STK32C: variants seen among roughly 807,000 people sequenced by gnomAD.
The protein encoded by STK32C is serine/threonine-protein kinase 32C.
STK32C carries 31 observed loss-of-function variants against 56.5 expected under a neutral mutation model. That is an observed-to-expected ratio of 0.55 (90% CI 0.41 to 0.74). STK32C has a LOEUF of 0.74. STK32C is among the 30% of genes least tolerant of loss of function. The probability of loss-of-function intolerance (pLI) is 0.00; values close to 1 mark genes in which losing one functional copy is unlikely to be tolerated. For missense variants in STK32C, 544 were observed against 676.9 expected (o/e 0.80, Z 2.18); for synonymous variants, 309 against 289.4 (o/e 1.07, Z -0.69).
At chr10:132,308,436 C>G (rs539454330), upstream of STK32C, among the ~76,000 whole-genome samples, 6 of 152,280 alleles carry the variant, frequency 3.9e-5, no homozygotes, top group East Asian at 1.2e-3. Context: ...GCGGGGAGCC[C>G]TAAACTCCAG....
chr10:132,324,405 T>G (rs771938817), intron 1 of STK32C: 2 of 763,546 alleles, frequency 2.6e-6, no homozygotes, highest in South Asian at 2.8e-5. Flanking sequence ...ATCTTCACTT[T>G]GCAGTCTGAA....
chr10:132,237,255 T>A (rs2063327602), intron 2 of STK32C, among the ~76,000 whole-genome samples: 1 of 152,132 alleles, frequency 6.6e-6, no homozygotes, highest in Non-Finnish European at 1.5e-5. Context: ...CCACTGGCGT[T>A]TGCTCCTCCC....
intron 10 of STK32C, among the ~76,000 whole-genome samples, chr10:132,212,168 AC>A (rs922514475): frequency 6.6e-6 from 1 of 152,132 alleles, no homozygotes; most frequent in Non-Finnish European, 1.5e-5. Flanking sequence ...AAAGAACAAA[AC>A]TGGGGGATTC....
intron 1 of STK32C, among the ~76,000 whole-genome samples, chr10:132,298,711 G>T (rs551530431): frequency 2.2e-4 from 33 of 152,188 alleles, no homozygotes; most frequent in African/African-American, 7.7e-4. Context: ...GGAGTTGAGC[G>T]CAGTGTGTGG....
At chr10:132,284,477 G>A (rs2065328498) in intron 1 of STK32C, among the ~76,000 whole-genome samples, 1 of 150,722 alleles carries the variant, frequency 6.6e-6, no homozygotes, top group Non-Finnish European at 1.5e-5. Context: ...GAGGTTGGGA[G>A]GGCAGCAGAT....
intron 2 of STK32C, among the ~76,000 whole-genome samples, chr10:132,242,091 C>T (rs1406331914): frequency 1.5e-5 from 2 of 137,238 alleles, no homozygotes; most frequent in Non-Finnish European, 3.1e-5. Flanking sequence ...GCCTGGGTGA[C>T]ACAGTGAGAC....
At chr10:132,215,713 G>A (rs541778908) in intron 10 of STK32C, among the ~76,000 whole-genome samples, 41 of 152,288 alleles carry the variant, frequency 2.7e-4, no homozygotes, top group African/African-American at 8.9e-4. Flanking sequence ...AAAGTAGGGC[G>A]CTGCTGAAAT....
chr10:132,265,708 G>A (rs979313654), intron 1 of STK32C, among the ~76,000 whole-genome samples: 1 of 152,266 alleles, frequency 6.6e-6, no homozygotes, highest in African/African-American at 2.4e-5. Context: ...ATGGGCAAGA[G>A]GCCCAGGCAG....
intron 1 of STK32C, among the ~76,000 whole-genome samples, chr10:132,273,496 C>T (rs1056650344): frequency 4.0e-5 from 6 of 150,936 alleles, no homozygotes; most frequent in Admixed American, 1.3e-4. Flanking sequence ...AACGAATGCA[C>T]GGTTAATGAT....
intron 2 of STK32C, among the ~76,000 whole-genome samples, chr10:132,232,074 C>T (rs1354959915): frequency 1.3e-5 from 2 of 152,254 alleles, no homozygotes; most frequent in African/African-American, 2.4e-5. Context: ...TGAGCACCTG[C>T]GGCCACGCCT....
At chr10:132,256,725 C>A (rs943506337) in intron 1 of STK32C, among the ~76,000 whole-genome samples, 2 of 152,210 alleles carry the variant, frequency 1.3e-5, no homozygotes, top group African/African-American at 4.8e-5. Flanking sequence ...GGGCCCAGCA[C>A]CCCAGGACCA....
intron 1 of STK32C, among the ~76,000 whole-genome samples, chr10:132,289,667 C>A (rs140226154): frequency 6.6e-6 from 1 of 152,328 alleles, no homozygotes; most frequent in Non-Finnish European, 1.5e-5. Context: ...CACTTCTCGG[C>A]TCCTAAACAG....
intron 1 of STK32C, among the ~76,000 whole-genome samples, chr10:132,262,724 G>A (rs1455137754): frequency 3.5e-5 from 5 of 143,468 alleles, no homozygotes; most frequent in African/African-American, 1.0e-4. Flanking sequence ...ACTGTACTCC[G>A]GCCTGGTGAC....
rs546511553 is a variant in STK32C, at chr10:132,259,006, G to C, written c.263-13051C>G. Among the ~76,000 whole-genome samples, 83 of 152,284 alleles carry C rather than the reference G, an allele frequency of 5.5e-4. No individual in the cohort carries two copies. The East Asian group carries it at 6.2e-3, about 11-fold the overall frequency. On this transcript the variant is annotated intron_variant, in intron 1 of 11. Transcript: ENST00000298630. ...TAAAAGCATTCACTCGACAACACATGAACAGGGCTATAGCTTGGGAGGCTG... is the reference window on the plus strand; with the variant it reads ...TAAAAGCATTCACTCGACAACACATCAACAGGGCTATAGCTTGGGAGGCTG...
chr10:132,251,105 GCCT>G (rs1432121039), intron 1 of STK32C, among the ~76,000 whole-genome samples: 1 of 152,186 alleles, frequency 6.6e-6, no homozygotes, highest in African/African-American at 2.4e-5. Context: ...CCACACATCT[GCCT>G]CCTATCTGCC....
intron 1 of STK32C, among the ~76,000 whole-genome samples, chr10:132,281,052 C>T (rs1045726436): frequency 6.6e-6 from 1 of 151,954 alleles, no homozygotes; most frequent in East Asian, 1.9e-4. Context: ...GATCACACCC[C>T]TGCACTCTGT....
intron 10 of STK32C, among the ~76,000 whole-genome samples, chr10:132,221,652 C>G (rs1590161117): frequency 6.9e-6 from 1 of 144,752 alleles, no homozygotes; most frequent in South Asian, 2.2e-4. Context: ...TGTCGACACA[C>G]CTGGGTGAGT....
chr10:132,257,097 A>G (rs909407075), intron 1 of STK32C, among the ~76,000 whole-genome samples: 1 of 152,020 alleles, frequency 6.6e-6, no homozygotes, highest in Non-Finnish European at 1.5e-5. Context: ...CAAGGGCCAC[A>G]CTCAGGGCTC....
intron 1 of STK32C, among the ~76,000 whole-genome samples, chr10:132,276,805 G>T (rs2065010441): frequency 6.6e-6 from 1 of 150,916 alleles, no homozygotes; most frequent in African/African-American, 2.4e-5. Flanking sequence ...AAAACCCAAT[G>T]TATCTTCTCC....
Sources: allele counts gnomAD v4.1 joint callset (sites outside exome capture counted in the v4.1 genomes callset), GRCh38; gene constraint gnomAD v4.1.1; transcripts MANE v1.5; gene names NCBI Gene and HGNC (gene_info 2026-07-23, HGNC 2026-07-21).